The following RGS12 variants were observed in gnomAD, a reference collection of about 807,000 sequenced individuals.
The protein encoded by RGS12 is regulator of G protein signaling 12.
A neutral mutation model predicts 120.1 loss-of-function variants in RGS12; 66 were observed. The observed-to-expected ratio is 0.55, with a 90% confidence interval of 0.45 to 0.67. The LOEUF (loss-of-function observed/expected upper bound fraction) is 0.67. RGS12 is among the 30% of genes least tolerant of loss of function. The pLI, the probability that RGS12 is intolerant of heterozygous loss-of-function variation, is 0.00. For missense variants in RGS12, 1,859 were observed against 1,957.7 expected, an observed-to-expected ratio of 0.95 and a Z score of 0.95; for synonymous variants, 827 against 804.7, an observed-to-expected ratio of 1.03 and a Z score of -0.47.
chr4:3,298,830 T>C (rs955791468), intron 1 of RGS12, among the ~76,000 whole-genome samples: 4 of 152,348 alleles, frequency 2.6e-5, no homozygotes, highest in African/African-American at 9.6e-5. Context: ...TTTTCACTTA[T>C]TTTTTATGGT....
intron 3 of RGS12, among the ~76,000 whole-genome samples, chr4:3,349,784 A>G (rs1198512551): frequency 6.6e-6 from 1 of 152,170 alleles, no homozygotes; most frequent in Non-Finnish European, 1.5e-5. Context: ...ACAGGCAAAA[A>G]TATATTTAGT....
intron 2 of RGS12, among the ~76,000 whole-genome samples, chr4:3,321,158 G>A (rs1489543491): frequency 1.3e-5 from 2 of 152,200 alleles, no homozygotes; most frequent in Non-Finnish European, 2.9e-5. Flanking sequence ...GTTAACAAAG[G>A]AAAAGAAGGT....
In RGS12 at chr4:3,390,219, C is replaced by G. The variant is rs1719339772; in HGVS notation, c.2020+3782C>G. 6.6e-6 allele frequency among the ~76,000 whole-genome samples: 1 copy of G among 152,204 alleles called. No individual in the cohort carries two copies. Among genetic ancestry groups the G allele is most frequent in the Admixed American group, 6.5e-5 (1 of 15,280 alleles). On this transcript the variant is annotated intron_variant, in intron 4 of 17. Coordinates refer to ENST00000336727, the MANE Select transcript of RGS12 (RefSeq NM_001394154.1). This position sits in a 1 kb window ranked among gnomAD's most constrained non-coding sequence, Gnocchi z 4.6. Reference sequence around the variant, plus strand: ...TCTTCCCTTCCTGACCACCTGCCCCCATCCTGAGCGATGGCCACTGTCAAT... The same window carrying G: ...TCTTCCCTTCCTGACCACCTGCCCCGATCCTGAGCGATGGCCACTGTCAAT...
intron 3 of RGS12, among the ~76,000 whole-genome samples, chr4:3,367,766 G>A (rs372865366): frequency 4.5e-4 from 68 of 152,298 alleles, no homozygotes; most frequent in Middle Eastern, 3.4e-3. Flanking sequence ...GAGGTCAGCA[G>A]CTGCAGAAAA....
At chr4:3,352,568 A>C (rs1314852897) in intron 3 of RGS12, among the ~76,000 whole-genome samples, 2 of 152,222 alleles carry the variant, frequency 1.3e-5, no homozygotes, top group African/African-American at 4.8e-5. Context: ...TATTCAGGGA[A>C]GTAGTGGAAG....
Position 3,372,192 on chromosome 4 carries a change from C to G in RGS12, c.1999-14224C>G, listed in dbSNP as rs1403240757. Among the ~76,000 whole-genome samples, 1 of 152,182 alleles carries G rather than the reference C, an allele frequency of 6.6e-6. No individual in the cohort carries two copies. The highest frequency in any genetic ancestry group is 1.5e-5 in the Non-Finnish European group (1 of 68,028). On this transcript the variant is annotated intron_variant, in intron 3 of 17. Coordinates refer to ENST00000336727, the MANE Select transcript of RGS12 (RefSeq NM_001394154.1). The surrounding 1 kb of genome is among the most constrained non-coding windows in gnomAD (Gnocchi z 4.3). The stretch of plus-strand genomic sequence containing the variant: ...TAGGAATTGCCTGGAGGAAGAGAGC[C>G]CTTGTGGTCTGTCTGCGCACCCCTC...
chr4:3,317,602 C>A lies in RGS12; in HGVS notation c.1432C>A (p.Pro478Thr), dbSNP rs1337039608. The A allele has an allele frequency of 6.3e-7, 1 of 1,589,414 alleles. No homozygotes were observed. Among genetic ancestry groups the A allele is most frequent in the Admixed American group, 1.7e-5 (1 of 58,104 alleles). Residue 478 changes from proline (P) to threonine (T), a missense_variant, in exon 2 of 18, where the codon CCG (proline) becomes ACG (threonine). Transcript: ENST00000336727. ...TGCTCCCTGGACTGGGCCCTTCTGTCCGGACCCCGAAGGGAGCCCCCCATT... is the reference window on the plus strand; with the variant it reads ...TGCTCCCTGGACTGGGCCCTTCTGTACGGACCCCGAAGGGAGCCCCCCATT... ...WGAPWTGPFCPDPEGSPPFEA... is the reference protein window; with the variant it reads ...WGAPWTGPFCTDPEGSPPFEA...
At chr4:3,392,533 A>G (rs1275937636) in intron 4 of RGS12, among the ~76,000 whole-genome samples, 2 of 151,888 alleles carry the variant, frequency 1.3e-5, no homozygotes, top group Non-Finnish European at 2.9e-5. Flanking sequence ...CCTGCAGTTC[A>G]CTGATCTGTC....
chr4:3,401,420 G>A (rs1294161372), intron 4 of RGS12, among the ~76,000 whole-genome samples: 1 of 152,204 alleles, frequency 6.6e-6, no homozygotes, highest in Non-Finnish European at 1.5e-5. Context: ...GATGTTATTG[G>A]ATGCCTAGGA....
Position 3,414,146 on chromosome 4 carries a change from C to T in RGS12, c.2095C>T (p.Gln699Ter). 1 of 1,566,068 alleles carries T rather than the reference C, an allele frequency of 6.4e-7. No homozygotes were observed. Among genetic ancestry groups the T allele is most frequent in the Non-Finnish European group, 8.6e-7 (1 of 1,161,914 alleles). Residue 699 changes from glutamine to a stop codon, truncating the protein, a stop_gained, in exon 5 of 18, where the codon CAG becomes TAG. Coordinates refer to ENST00000336727, the MANE Select transcript of RGS12 (RefSeq NM_001394154.1). LOFTEE classifies it high-confidence loss of function. ...CAGCAATGCCAGCCTCCCCAGCGTG[C>T]AGAGCTGCCGGCGCCTGCGTGAGAG... is the stretch of plus-strand genomic sequence containing the variant. Reference protein sequence around the residue: ...LSSNASLPSVQSCRRLRERRV... With the variant: ...LSSNASLPSV
intron 4 of RGS12, among the ~76,000 whole-genome samples, chr4:3,392,881 G>A (rs1719651450): frequency 1.3e-5 from 2 of 152,138 alleles, no homozygotes; most frequent in South Asian, 4.1e-4. Flanking sequence ...CCAGCTACTC[G>A]GGAGGCTGAG....
intron 1 of RGS12, among the ~76,000 whole-genome samples, chr4:3,296,061 CT>C (rs1371531026): frequency 6.7e-6 from 1 of 148,926 alleles, no homozygotes; most frequent in African/African-American, 2.6e-5. Flanking sequence ...GTTCACCCCC[CT>C]GGTCAGCTTC....
At position 3,316,427 on chromosome 4, in the gene RGS12, AG is replaced by A. The variant is rs1383500082; in HGVS notation, c.258del (p.Lys86AsnfsTer9). 1 of 1,614,174 alleles carries A rather than the reference AG, an allele frequency of 6.2e-7. No homozygotes were observed. Among genetic ancestry groups the A allele is most frequent in the Admixed American group, 1.7e-5 (1 of 60,026 alleles). On this transcript the variant is annotated frameshift_variant, in exon 2 of 18. Coordinates refer to ENST00000336727, the MANE Select transcript of RGS12 (RefSeq NM_001394154.1). LOFTEE classifies it high-confidence loss of function. ...GAAGATGTAGTGAAATTAATTGGGA[AG>A]TGCTCTGGTGTCCTTCACATGGTGA... is the stretch of plus-strand genomic sequence containing the variant. Reference protein sequence around the residue: ...SHEDVVKLIGKCSGVLHMVIA... With the variant: ...SHEDVVKLIGXCSGVLHMVIA...
At chr4:3,345,293 A>G (rs189071239) in intron 3 of RGS12, among the ~76,000 whole-genome samples, 42 of 152,332 alleles carry the variant, frequency 2.8e-4, no homozygotes, top group Admixed American at 9.8e-4. Flanking sequence ...TATCAGGTCT[A>G]TGAGCATGAG....
At chr4:3,309,697 A>T (rs112496574) in intron 1 of RGS12, among the ~76,000 whole-genome samples, 284 of 31,448 alleles carry the variant, frequency 9.0e-3, no homozygotes, top group African/African-American at 0.016. Flanking sequence ...GGAACCGTGC[A>T]GGGGAGGAGC....
chr4:3,311,896 G>A lies in RGS12; in HGVS notation c.-101-4174G>A, dbSNP rs564840169. Among the ~76,000 whole-genome samples the A allele has an allele frequency of 4.6e-5, 7 of 152,316 alleles. No homozygotes were observed. In the South Asian group the frequency reaches 6.2e-4, roughly 14 times the overall value. ...ATGGGAGGTGGCAGTGCTGTGCGGC[G>A]AGTGGGGACCTTCGTGTCACATCCC... On this transcript the variant is annotated intron_variant, in intron 1 of 17. Transcript: ENST00000336727.
chr4:3,404,234 A>G (rs961363019), intron 4 of RGS12, among the ~76,000 whole-genome samples: 17 of 152,362 alleles, frequency 1.1e-4, no homozygotes, highest in African/African-American at 3.4e-4. Flanking sequence ...GACATGCTCA[A>G]GGCCATGTGA....
intron 4 of RGS12, among the ~76,000 whole-genome samples, chr4:3,405,527 C>T (rs1721017629): frequency 6.6e-6 from 1 of 152,108 alleles, no homozygotes; most frequent in Middle Eastern, 3.2e-3. Context: ...CAGCAGCCAC[C>T]CTGAGTTCCA....
At chr4:3,368,598 G>A (rs976929817) in intron 3 of RGS12, among the ~76,000 whole-genome samples, 4 of 131,728 alleles carry the variant, frequency 3.0e-5, no homozygotes, top group Non-Finnish European at 6.4e-5. Flanking sequence ...GTGCCTGTGT[G>A]TGTGTGGGTA....
Sources: allele counts gnomAD v4.1 joint callset (sites outside exome capture counted in the v4.1 genomes callset), GRCh38; gene constraint gnomAD v4.1.1; non-coding constraint Gnocchi (gnomAD v3.1); transcripts MANE v1.5; gene names NCBI Gene and HGNC (gene_info 2026-07-23, HGNC 2026-07-21).